DAAM2: variants seen among roughly 807,000 people sequenced by gnomAD.
DAAM2 encodes the protein disheveled-associated activator of morphogenesis 2.
Under a neutral mutation model 120.7 loss-of-function variants are expected in DAAM2, and 39 were observed. That is an observed-to-expected ratio of 0.32 (90% CI 0.25 to 0.42). The LOEUF (loss-of-function observed/expected upper bound fraction) is 0.42. DAAM2 is among the 10% of genes least tolerant of loss of function. The probability of loss-of-function intolerance (pLI) is 1.00; values close to 1 mark genes in which losing one functional copy is unlikely to be tolerated. For synonymous variants in DAAM2, 488 were observed against 524.9 expected (o/e 0.93, Z 0.96); for missense variants, 1,283 against 1,401.7 (o/e 0.92, Z 1.35).
chr6:39,887,755 G>T (rs1291014381), intron 16 of DAAM2, 163 bp downstream of exon 16: 4 of 570,268 alleles, frequency 7.0e-6, no homozygotes, highest in Non-Finnish European at 1.3e-5. Flanking sequence ...CAGCAGTTTG[G>T]GGCTCTGCAG....
At chr6:39,839,879 G>A (rs1225279601) in intron 1 of DAAM2, among the ~76,000 whole-genome samples, 2 of 152,220 alleles carry the variant, frequency 1.3e-5, no homozygotes, top group Non-Finnish European at 2.9e-5. Context: ...ATAGAGAACT[G>A]TGTGTGGGTG....
intron 1 of DAAM2, among the ~76,000 whole-genome samples, chr6:39,842,206 C>T (rs778410333): frequency 3.3e-5 from 5 of 152,330 alleles, no homozygotes; most frequent in African/African-American, 7.2e-5. Context: ...TCTCCCCACA[C>T]GCTGCTGTTA....
Position 39,875,424 on chromosome 6 carries a change from C to T in DAAM2, c.1257C>T (p.Asp419=), listed in dbSNP as rs1193052494. 6.2e-7 allele frequency: 1 copy of T among 1,613,842 alleles called. No individual in the cohort carries two copies. Among genetic ancestry groups the T allele is most frequent in the Admixed American group, 1.7e-5 (1 of 60,000 alleles). Residue 419 remains aspartate, a synonymous_variant, in exon 11 of 25, where the codon GAC becomes GAT. Coordinates refer to ENST00000274867, the MANE Select transcript of DAAM2 (RefSeq NM_001201427.2). The part of the protein sequence containing the change: ...VLQDERGVDP[D]LAPLENFNVK... ...AGGATGAGCGGGGTGTGGACCCTGA[C>T]CTGGCTCCCTTGGAGAACTTCAATG...
At chr6:39,844,778 A>G (rs974540651) in intron 1 of DAAM2, among the ~76,000 whole-genome samples, 4 of 152,098 alleles carry the variant, frequency 2.6e-5, no homozygotes, top group Non-Finnish European at 4.4e-5. Context: ...TCCTCTGCTC[A>G]TATACTTTGG....
chr6:39,885,932 G>A (rs1765359146), intron 15 of DAAM2: 1 of 152,996 alleles, frequency 6.5e-6, no homozygotes, highest in Non-Finnish European at 1.5e-5. Flanking sequence ...GAGGGGCAGT[G>A]AGCAAATTCA....
chr6:39,792,479 G>A lies in DAAM2; in HGVS notation c.-57+14G>A, dbSNP rs896002844. 2 of 152,134 alleles carry A rather than the reference G, an allele frequency of 1.3e-5. No homozygotes were observed. The highest frequency in any genetic ancestry group is 4.8e-5 in the African/African-American group (2 of 41,454). 9.4% of individuals were successfully genotyped at this position (152,134 alleles called of 1,614,324 possible). Reference sequence around the variant, plus strand: ...GGGGTCCTCGGAGTAAGTGCGGCCGGCCCTGGCGCTCCCCGTCTTGGGGCC... The same window carrying A: ...GGGGTCCTCGGAGTAAGTGCGGCCGACCCTGGCGCTCCCCGTCTTGGGGCC... On this transcript the variant is annotated intron_variant, in intron 1 of 24. Transcript: ENST00000274867.
intron 1 of DAAM2, among the ~76,000 whole-genome samples, chr6:39,849,509 A>AT (rs1363809126): frequency 6.6e-6 from 1 of 152,166 alleles, no homozygotes; most frequent in African/African-American, 2.4e-5. Context: ...AACCCTATGA[A>AT]TTATGTACTA....
chr6:39,847,133 G>A (rs1763627328), intron 1 of DAAM2, among the ~76,000 whole-genome samples: 1 of 152,206 alleles, frequency 6.6e-6, no homozygotes, highest in Non-Finnish European at 1.5e-5. Flanking sequence ...GGGGCCATGT[G>A]CACAGGCCCT....
chr6:39,873,462 C>T, intron 10 of DAAM2, 107 bp downstream of exon 10: 1 of 762,240 alleles, frequency 1.3e-6, no homozygotes. Context: ...CTGACCATGT[C>T]TCCCTGTGCA....
At chr6:39,836,705 C>T (rs997605986) in intron 1 of DAAM2, among the ~76,000 whole-genome samples, 25 of 152,278 alleles carry the variant, frequency 1.6e-4, no homozygotes, top group Admixed American at 4.6e-4. Context: ...AGCTTGAGAA[C>T]GGCTGGTTTG....
chr6:39,842,440 T>G (rs983071914), intron 1 of DAAM2, among the ~76,000 whole-genome samples: 2 of 152,146 alleles, frequency 1.3e-5, no homozygotes, highest in African/African-American at 4.8e-5. Flanking sequence ...GAGACCAGCC[T>G]GGCCAACATG....
chr6:39,883,895 A>G, intron 14 of DAAM2, 67 bp from the exon 15 acceptor site: 1 of 991,410 alleles, frequency 1.0e-6, no homozygotes, highest in Non-Finnish European at 1.6e-6. Context: ...GGGGTTAGGG[A>G]GGCATGGAGC....
chr6:39,811,717 T>G (rs1762167173), intron 1 of DAAM2, among the ~76,000 whole-genome samples: 2 of 152,296 alleles, frequency 1.3e-5, no homozygotes, highest in South Asian at 4.1e-4. Context: ...GAGAACACCC[T>G]GGGGGCCATG....
At position 39,882,709 on chromosome 6, in the gene DAAM2, A is replaced by G. The variant is rs2504083; in HGVS notation, c.1846-1253A>G. Among the ~76,000 whole-genome samples, 61 of 21,814 alleles carry G rather than the reference A, an allele frequency of 2.8e-3. 1 individual carries two copies. The South Asian group carries it at 0.048, about 17-fold the overall frequency. 14.3% of individuals were successfully genotyped at this position (21,814 alleles called of 152,430 possible). A position where few individuals can be genotyped will look rare whatever the true frequency, so the allele number is the denominator to read the frequency against. ...CACGTGTGCTTCTGTGAGCGCACAC[A>G]CACACACACGCACACACACACACAT... is the stretch of plus-strand genomic sequence containing the variant. On this transcript the variant is annotated intron_variant, in intron 14 of 24. Transcript: ENST00000274867.
At chr6:39,807,723 G>T (rs1762049423) in intron 1 of DAAM2, among the ~76,000 whole-genome samples, 1 of 152,132 alleles carries the variant, frequency 6.6e-6, no homozygotes, top group Non-Finnish European at 1.5e-5. Flanking sequence ...TGCCATGTTG[G>T]CCAGGCTGGT....
intron 2 of DAAM2, among the ~76,000 whole-genome samples, chr6:39,859,055 C>T (rs777245290): frequency 6.6e-6 from 1 of 152,150 alleles, no homozygotes; most frequent in Non-Finnish European, 1.5e-5. Flanking sequence ...GTATAGAGAC[C>T]ACTGGCTGGA....
Position 39,870,328 on chromosome 6 carries a change from G to C in DAAM2, c.874-12G>C. 6.5e-7 allele frequency: 1 copy of C among 1,531,970 alleles called. No homozygotes were observed. Among genetic ancestry groups the C allele is most frequent in the Non-Finnish European group, 8.9e-7 (1 of 1,125,366 alleles). The allele number at this position is 1,531,970 out of a possible 1,614,324, so 94.9% of individuals were successfully genotyped here. On this transcript the variant is annotated splice_polypyrimidine_tract_variant and intron_variant, in intron 7 of 24. Transcript: ENST00000274867. ...CTGCCAATGAGTCTGGCCCTCCCTT[G>C]GTGACCCCCAGGATAATCTGGAGTT...
chr6:39,850,785 T>G (rs1298681187), intron 1 of DAAM2, among the ~76,000 whole-genome samples: 1 of 152,138 alleles, frequency 6.6e-6, no homozygotes, highest in Non-Finnish European at 1.5e-5. Context: ...CAGGGACAGA[T>G]AGTCAATACC....
At chr6:39,795,877 G>A (rs1287042498) in intron 1 of DAAM2, among the ~76,000 whole-genome samples, 1 of 152,092 alleles carries the variant, frequency 6.6e-6, no homozygotes, top group Non-Finnish European at 1.5e-5. Flanking sequence ...TTTAGGGAGG[G>A]AGAAGGACAG....
Sources: gnomAD v4.1 joint callset for allele counts (sites outside exome capture counted in the v4.1 genomes callset) on GRCh38, gnomAD v4.1.1 for gene constraint, MANE v1.5 for transcripts, NCBI Gene and HGNC (gene_info 2026-07-23, HGNC 2026-07-21) for gene names.